Variants in CCSER1 observed in about 807,000 individuals in gnomAD.
CCSER1 encodes the protein coiled-coil serine rich protein 1, also known as serine-rich coiled-coil domain-containing protein 1.
CCSER1 carries 41 observed loss-of-function variants against 82.0 expected under a neutral mutation model. The observed-to-expected ratio is 0.50, with a 90% CI of 0.39 to 0.65. The LOEUF is 0.65. Among genes scored for constraint, CCSER1 ranks in the 30% least tolerant of loss-of-function variants. The pLI, the probability that CCSER1 is intolerant of heterozygous loss-of-function variation, is 0.00. For missense variants in CCSER1, 1,119 were observed against 1,064.2 expected, an observed-to-expected ratio of 1.05 and a Z score of -0.72; for synonymous variants, 414 against 383.9, an observed-to-expected ratio of 1.08 and a Z score of -0.92.
At position 91,206,885 on chromosome 4, in the gene CCSER1, A is replaced by G. The variant is rs1168183932; in HGVS notation, c.2217+120891A>G. Reference sequence around the variant, plus strand: ...TTTTGTACATGAATCTCTGGAATCAACTATTTGGGCATTATTTATATCCTA... The same window carrying G: ...TTTTGTACATGAATCTCTGGAATCAGCTATTTGGGCATTATTTATATCCTA... On this transcript the variant is annotated intron_variant, in intron 10 of 10. Transcript: ENST00000509176. Among the ~76,000 whole-genome samples, 4 of 152,006 alleles carry G rather than the reference A, an allele frequency of 2.6e-5. No individual in the cohort carries two copies. In the East Asian group the frequency reaches 7.7e-4, roughly 29 times the overall value.
chr4:91,306,097 A>T (rs138996142), intron 10 of CCSER1, among the ~76,000 whole-genome samples: 2 of 118,132 alleles, frequency 1.7e-5, no homozygotes, highest in Non-Finnish European at 3.5e-5. Context: ...GTGTGTGTGT[A>T]TACGAAAAAA....
chr4:91,393,353 C>A (rs1264615188), intron 10 of CCSER1, among the ~76,000 whole-genome samples: 1 of 151,950 alleles, frequency 6.6e-6, no homozygotes, highest in Non-Finnish European at 1.5e-5. Context: ...TTGAACCATG[C>A]ATGAAATTCA....
chr4:90,354,000 T>C (rs1354500716), intron 3 of CCSER1, among the ~76,000 whole-genome samples: 1 of 152,228 alleles, frequency 6.6e-6, no homozygotes, highest in African/African-American at 2.4e-5. Context: ...CACGCCGTGT[T>C]CATTGCAGCA....
intron 5 of CCSER1, among the ~76,000 whole-genome samples, chr4:90,529,995 T>C (rs573365197): frequency 6.6e-6 from 1 of 151,700 alleles, no homozygotes; most frequent in African/African-American, 2.4e-5. Context: ...TCTGTTCTTA[T>C]GAACATTTCC....
At chr4:90,234,863 G>A (rs749373004) in intron 1 of CCSER1, among the ~76,000 whole-genome samples, 2 of 152,130 alleles carry the variant, frequency 1.3e-5, no homozygotes, top group African/African-American at 2.4e-5. Flanking sequence ...TTTTAACCCA[G>A]TTATGGCTGG....
At chr4:90,591,177 G>T (rs1657864058) in intron 5 of CCSER1, among the ~76,000 whole-genome samples, 1 of 152,076 alleles carries the variant, frequency 6.6e-6, no homozygotes, top group South Asian at 2.1e-4. Flanking sequence ...GAAGCTTAAG[G>T]AGTATTTGGG....
At chr4:90,820,249 T>C (rs986052198) in intron 8 of CCSER1, among the ~76,000 whole-genome samples, 2 of 152,236 alleles carry the variant, frequency 1.3e-5, no homozygotes, top group African/African-American at 4.8e-5. Context: ...CATTGGTTTC[T>C]TCAACTGTCA....
At chr4:90,286,009 A>G (rs1332567682) in intron 1 of CCSER1, among the ~76,000 whole-genome samples, 1 of 151,994 alleles carries the variant, frequency 6.6e-6, no homozygotes. Flanking sequence ...TGAATGATCT[A>G]TTTAATGTGT....
At chr4:90,672,704 A>G (rs1451289574) in intron 6 of CCSER1, among the ~76,000 whole-genome samples, 1 of 152,054 alleles carries the variant, frequency 6.6e-6, no homozygotes, top group Non-Finnish European at 1.5e-5. Context: ...TCACTGAGCT[A>G]AATCATTTGT....
At chr4:91,387,074 TGATA>T (rs1428778656) in intron 10 of CCSER1, among the ~76,000 whole-genome samples, 2 of 152,000 alleles carry the variant, frequency 1.3e-5, no homozygotes, top group African/African-American at 4.8e-5. Context: ...TGAATATTGT[TGATA>T]GATTAAATGA....
At chr4:90,162,329 T>C (rs1173771272) in intron 1 of CCSER1, among the ~76,000 whole-genome samples, 2 of 152,110 alleles carry the variant, frequency 1.3e-5, no homozygotes, top group East Asian at 3.9e-4. Context: ...GCTAATGTTT[T>C]ATCAATATTT....
chr4:90,802,276 T>C (rs1336341812), intron 7 of CCSER1, among the ~76,000 whole-genome samples: 1 of 147,956 alleles, frequency 6.8e-6, no homozygotes, highest in Non-Finnish European at 1.5e-5. Flanking sequence ...ATATATTATA[T>C]GTAAATATAT....
intron 9 of CCSER1, among the ~76,000 whole-genome samples, chr4:91,046,614 T>G (rs1455283925): frequency 6.6e-6 from 1 of 152,204 alleles, no homozygotes; most frequent in Non-Finnish European, 1.5e-5. Context: ...CCAGATCTCT[T>G]TCATATTGTA....
chr4:91,391,376 G>T (rs1288553094), intron 10 of CCSER1, among the ~76,000 whole-genome samples: 2 of 152,076 alleles, frequency 1.3e-5, no homozygotes, highest in South Asian at 4.1e-4. Context: ...TCATGGCTCA[G>T]TGCAGCCTCT....
chr4:90,524,471 GTTGT>G (rs943147423), intron 5 of CCSER1, among the ~76,000 whole-genome samples: 3 of 152,020 alleles, frequency 2.0e-5, no homozygotes, highest in Non-Finnish European at 4.4e-5. Context: ...TTTTGTTGTT[GTTGT>G]TTGTTTGTTT....
At chr4:91,250,346 A>T (rs1436057489) in intron 10 of CCSER1, among the ~76,000 whole-genome samples, 5 of 152,124 alleles carry the variant, frequency 3.3e-5, no homozygotes, top group Non-Finnish European at 7.4e-5. Flanking sequence ...TTATGCAAGT[A>T]TGTGTGTGTA....
At chr4:91,382,169 G>C (rs373427080) in intron 10 of CCSER1, among the ~76,000 whole-genome samples, 1 of 152,074 alleles carries the variant, frequency 6.6e-6, no homozygotes, top group Non-Finnish European at 1.5e-5. Flanking sequence ...TGCCTCTACT[G>C]GGGGGTTCCT....
intron 5 of CCSER1, among the ~76,000 whole-genome samples, chr4:90,616,728 CACACACACACAA>C (rs1191331010): frequency 2.1e-5 from 2 of 95,474 alleles, no homozygotes; most frequent in Non-Finnish European, 4.8e-5. Context: ...CACACACACA[CACACACACACAA>C]ATAAAATAAA....
intron 10 of CCSER1, among the ~76,000 whole-genome samples, chr4:91,565,554 T>A (rs1021008490): frequency 6.6e-6 from 1 of 152,070 alleles, no homozygotes; most frequent in African/African-American, 2.4e-5. Flanking sequence ...TTTCCATTTG[T>A]TTGTATCTTC....
Sources: allele counts gnomAD v4.1 joint callset (sites outside exome capture counted in the v4.1 genomes callset), GRCh38; gene constraint gnomAD v4.1.1; transcripts MANE v1.5; gene names NCBI Gene and HGNC (gene_info 2026-07-23, HGNC 2026-07-21).